The following LRRTM4 variants were observed in gnomAD, a reference collection of about 807,000 sequenced individuals.
LRRTM4 encodes leucine-rich repeat transmembrane neuronal protein 4.
LRRTM4 carries 25 observed loss-of-function variants against 47.6 expected under a neutral mutation model. The ratio of observed to expected loss-of-function variants is 0.53; its 90% confidence interval spans 0.38 to 0.73. The LOEUF is 0.73. LRRTM4 is among the 30% of genes least tolerant of loss of function. The pLI, the probability that LRRTM4 is intolerant of heterozygous loss-of-function variation, is 0.00. For synonymous variants in LRRTM4, 311 were observed against 269.5 expected (o/e 1.15, Z -1.51); for missense variants, 638 against 713.4 (o/e 0.89, Z 1.20).
intron 3 of LRRTM4, among the ~76,000 whole-genome samples, chr2:76,996,628 A>G (rs2121410): frequency 0.5 from 76,427 of 151,814 alleles, 19,941 homozygotes; most frequent in African/African-American, 0.63. Flanking sequence ...TCTCTTGCCT[A>G]GAAATATGAA....
intron 3 of LRRTM4, among the ~76,000 whole-genome samples, chr2:77,104,046 AT>A (rs1671029732): frequency 6.6e-6 from 1 of 152,132 alleles, no homozygotes; most frequent in South Asian, 2.1e-4. Flanking sequence ...TCAAAGAAAA[AT>A]TCTTTATTTC....
chr2:77,362,308 T>G (rs1342379006), intron 3 of LRRTM4, among the ~76,000 whole-genome samples: 2 of 152,164 alleles, frequency 1.3e-5, no homozygotes, highest in Admixed American at 6.5e-5. Context: ...TCATTATTTC[T>G]TGGACAGAAG....
At chr2:76,965,052 T>G (rs1675979838) in intron 3 of LRRTM4, among the ~76,000 whole-genome samples, 1 of 151,066 alleles carries the variant, frequency 6.6e-6, no homozygotes, top group Non-Finnish European at 1.5e-5. Context: ...TTAATAACCT[T>G]CCAACCTTCC....
chr2:77,066,663 T>C (rs13030053), intron 3 of LRRTM4, among the ~76,000 whole-genome samples: 1 of 152,140 alleles, frequency 6.6e-6, no homozygotes, highest in Non-Finnish European at 1.5e-5. Context: ...TAGAGAGAGG[T>C]ATACAAATCG....
At chr2:77,140,158 C>T (rs1198777145) in intron 3 of LRRTM4, among the ~76,000 whole-genome samples, 5 of 152,124 alleles carry the variant, frequency 3.3e-5, no homozygotes, top group Admixed American at 6.6e-5. Context: ...AAAGGGCCCT[C>T]ATTGCCAAGA....
intron 3 of LRRTM4, among the ~76,000 whole-genome samples, chr2:77,370,068 A>G (rs977832933): frequency 1.3e-5 from 2 of 151,918 alleles, no homozygotes; most frequent in South Asian, 2.1e-4. Flanking sequence ...GCCAGTGTGC[A>G]TAATGCAGGG....
At chr2:76,921,350 T>C (rs749221133) in intron 3 of LRRTM4, among the ~76,000 whole-genome samples, 3 of 152,114 alleles carry the variant, frequency 2.0e-5, no homozygotes, top group Non-Finnish European at 4.4e-5. Context: ...ATATGAAATG[T>C]ACGTGCTATT....
At chr2:76,850,864 A>C (rs1001152662) in intron 3 of LRRTM4, among the ~76,000 whole-genome samples, 1 of 152,170 alleles carries the variant, frequency 6.6e-6, no homozygotes, top group African/African-American at 2.4e-5. Flanking sequence ...AAACTAGAGA[A>C]AGTTAGAAAT....
chr2:77,028,338 C>A (rs1678525795), intron 3 of LRRTM4, among the ~76,000 whole-genome samples: 1 of 152,068 alleles, frequency 6.6e-6, no homozygotes, highest in South Asian at 2.1e-4. Context: ...GTGTCAGAAA[C>A]CACTTAAAAA....
intron 3 of LRRTM4, among the ~76,000 whole-genome samples, chr2:77,419,469 T>A: frequency 6.6e-6 from 1 of 152,186 alleles, no homozygotes; most frequent in Non-Finnish European, 1.5e-5. Flanking sequence ...TTTAATCATC[T>A]CTAGATTACT....
chr2:77,076,829 G>C (rs769701099), intron 3 of LRRTM4, among the ~76,000 whole-genome samples: 1 of 152,130 alleles, frequency 6.6e-6, no homozygotes, highest in African/African-American at 2.4e-5. Context: ...TGAGAAAACA[G>C]AAACTGTGAG....
intron 3 of LRRTM4, among the ~76,000 whole-genome samples, chr2:76,791,717 G>A (rs1301571816): frequency 6.6e-6 from 1 of 152,174 alleles, no homozygotes; most frequent in East Asian, 1.9e-4. Context: ...GTGCAAACTG[G>A]TGACAGAATC....
chr2:76,938,670 A>G (rs1390094769), intron 3 of LRRTM4, among the ~76,000 whole-genome samples: 1 of 152,148 alleles, frequency 6.6e-6, no homozygotes, highest in Non-Finnish European at 1.5e-5. Flanking sequence ...TATAAAACTA[A>G]CCAATTGTTT....
chr2:77,027,301 G>T (rs1372790899), intron 3 of LRRTM4, among the ~76,000 whole-genome samples: 1 of 152,066 alleles, frequency 6.6e-6, no homozygotes, highest in East Asian at 1.9e-4. Flanking sequence ...TTTTTTAAAG[G>T]TTATAAAGGT....
chr2:77,268,402 G>A (rs1002944989), intron 3 of LRRTM4, among the ~76,000 whole-genome samples: 2 of 151,906 alleles, frequency 1.3e-5, no homozygotes, highest in Admixed American at 6.6e-5. Context: ...TCACCACCAA[G>A]CCATATTGAT....
intron 3 of LRRTM4, among the ~76,000 whole-genome samples, chr2:77,091,209 T>C (rs1412440761): frequency 2.6e-5 from 4 of 151,334 alleles, no homozygotes; most frequent in Middle Eastern, 3.4e-3. Context: ...CCGCCCTTCT[T>C]CCCAATCAAG....
intron 3 of LRRTM4, among the ~76,000 whole-genome samples, chr2:77,081,048 C>T (rs1179302247): frequency 6.6e-6 from 1 of 152,116 alleles, no homozygotes. Flanking sequence ...CTCAATGCCT[C>T]CCATGCTGCT....
intron 3 of LRRTM4, among the ~76,000 whole-genome samples, chr2:77,112,976 G>A (rs1297675049): frequency 6.6e-6 from 1 of 152,118 alleles, no homozygotes; most frequent in East Asian, 1.9e-4. Context: ...TTTCAACCCC[G>A]TCTTGTAATT....
chr2:77,343,417 T>C (rs1256179501), intron 3 of LRRTM4, among the ~76,000 whole-genome samples: 1 of 151,994 alleles, frequency 6.6e-6, no homozygotes, highest in Non-Finnish European at 1.5e-5. Context: ...TTTTGGATTT[T>C]ATTTTATGTA....
Sources: gnomAD v4.1 joint callset for allele counts (sites outside exome capture counted in the v4.1 genomes callset) on GRCh38, gnomAD v4.1.1 for gene constraint, MANE v1.5 for transcripts, NCBI Gene and HGNC (gene_info 2026-07-23, HGNC 2026-07-21) for gene names.